TUBB6: variants seen among roughly 807,000 people sequenced by gnomAD.
The protein encoded by TUBB6 is tubulin beta 6 class V.
Under a neutral mutation model 32.3 loss-of-function variants are expected in TUBB6, and 18 were observed. That is an observed-to-expected ratio of 0.56 (90% confidence interval 0.39 to 0.83). TUBB6 has a LOEUF of 0.83. Ranked by LOEUF, TUBB6 falls within the 40% of genes least tolerant of loss-of-function variation. The pLI, the probability that TUBB6 is intolerant of heterozygous loss-of-function variation, is 0.00. For synonymous variants in TUBB6, 280 were observed against 265.8 expected (o/e 1.05, Z -0.52); for missense variants, 480 against 632.0 (o/e 0.76, Z 2.58).
chr18:12,329,117 C>G (rs1325423281), downstream of TUBB6: 1 of 702,774 alleles, frequency 1.4e-6, no homozygotes, highest in East Asian at 2.7e-5. Flanking sequence ...TTAAAATGTT[C>G]TTATCAAGAC....
At chr18:12,320,573 A>G (rs918508700) in intron 3 of TUBB6, 2 of 152,176 alleles carry the variant, frequency 1.3e-5, no homozygotes, top group South Asian at 4.1e-4. Flanking sequence ...CACACATACA[A>G]TGGAGCCAGC....
chr18:12,328,610 T>C (rs1469184638), downstream of TUBB6, among the ~76,000 whole-genome samples: 1 of 152,178 alleles, frequency 6.6e-6, no homozygotes, highest in African/African-American at 2.4e-5. Context: ...ACGGCTCAGG[T>C]CAGCCTGCCA....
At chr18:12,324,851 A>ACAT (rs1907186044) in intron 3 of TUBB6, 1 of 1,384,874 alleles carries the variant, frequency 7.2e-7, no homozygotes. Flanking sequence ...AAATGTATAT[A>ACAT]CATCTTTAAA....
chr18:12,329,282 G>T (rs939147580), downstream of TUBB6: 1 of 698,044 alleles, frequency 1.4e-6, no homozygotes, highest in Non-Finnish European at 2.6e-6. Context: ...GGTGCCACAG[G>T]GTCCAGCCTC....
chr18:12,325,693 G>A lies in TUBB6; in HGVS notation c.904G>A (p.Ala302Thr). Residue 302 changes from alanine to threonine, a missense_variant, in exon 4 of 4, where the codon GCC becomes ACC. Ala to Thr is a moderately conservative substitution (Grantham distance 58, BLOSUM62 0). Coordinates refer to ENST00000317702, the MANE Select transcript of TUBB6 (RefSeq NM_032525.3). ...QMFDARNMMA[A>T]CDPRHGRYLT... ...GTTCGACGCCAGGAACATGATGGCC[G>A]CCTGCGATCCGCGCCATGGCCGCTA... 6.2e-7 allele frequency: 1 copy of A among 1,614,072 alleles called. No homozygotes were observed. Among genetic ancestry groups the A allele is most frequent in the Non-Finnish European group, 8.5e-7 (1 of 1,180,004 alleles).
intron 3 of TUBB6, among the ~76,000 whole-genome samples, chr18:12,313,109 A>G (rs987453941): frequency 2.0e-5 from 3 of 151,770 alleles, no homozygotes; most frequent in African/African-American, 7.3e-5. Context: ...TTTACAGATT[A>G]TCTACCAGAA....
chr18:12,328,639 G>A (rs1020349129), downstream of TUBB6, among the ~76,000 whole-genome samples: 7 of 152,142 alleles, frequency 4.6e-5, no homozygotes, highest in Admixed American at 3.9e-4. Flanking sequence ...ACAGTTATAC[G>A]TTAACTTCTA....
In TUBB6 at chr18:12,325,345, A is replaced by T. The variant is rs1907228783; in HGVS notation, c.556A>T (p.Thr186Ser). Residue 186 changes from threonine to serine, a missense_variant, in exon 4 of 4, where the codon ACA (threonine) becomes TCA (serine). Transcript: ENST00000317702. ...SDTVVEPYNA[T>S]LSVHQLVENT... ...CACGGTGGTGGAGCCCTACAATGCC[A>T]CACTGTCGGTGCACCAGCTGGTGGA... 6.2e-7 allele frequency: 1 copy of T among 1,614,162 alleles called. No homozygotes were observed. Among genetic ancestry groups the T allele is most frequent in the Non-Finnish European group, 8.5e-7 (1 of 1,180,004 alleles).
rs1568116881 is a variant in TUBB6, at chr18:12,308,282, C to CCG, written c.-7_-6dup. On this transcript the variant is annotated 5_prime_UTR_variant, in exon 1 of 4. Coordinates refer to ENST00000317702, the MANE Select transcript of TUBB6 (RefSeq NM_032525.3). ...CGCAGAGCCAGTTCCTAGCGCAGAGCCGCGCCCGCCATGAGGGAGATCGTG... is the reference window on the plus strand; with the variant it reads ...CGCAGAGCCAGTTCCTAGCGCAGAGCCGCGCGCCCGCCATGAGGGAGATCGTG... The CCG allele has an allele frequency of 6.9e-7, 1 of 1,442,668 alleles. No homozygotes were observed. The highest frequency in any genetic ancestry group is 9.2e-7 in the Non-Finnish European group (1 of 1,092,736). 89.4% of individuals were successfully genotyped at this position (1,442,668 alleles called of 1,614,324 possible). A position where few individuals can be genotyped will look rare whatever the true frequency, so the allele number is the denominator to read the frequency against.
intron 2 of TUBB6, among the ~76,000 whole-genome samples, chr18:12,309,869 G>A (rs1906263852): frequency 6.6e-6 from 1 of 152,232 alleles, no homozygotes. Context: ...GAAACAGCCA[G>A]TGGCGTGCTC....
intron 3 of TUBB6, among the ~76,000 whole-genome samples, chr18:12,319,617 TCA>T (rs1906872924): frequency 6.6e-6 from 1 of 152,184 alleles, no homozygotes; most frequent in African/African-American, 2.4e-5. Context: ...GTATATGTCA[TCA>T]TTTAGTAATT....
At chr18:12,329,301 T>C (rs1907435822), downstream of TUBB6, 1 of 689,170 alleles carries the variant, frequency 1.5e-6, no homozygotes. Flanking sequence ...TCGGCCACTC[T>C]GGGCTCAACC....
downstream of TUBB6, among the ~76,000 whole-genome samples, chr18:12,327,436 T>C (rs1907375577): frequency 6.6e-6 from 1 of 152,280 alleles, no homozygotes; most frequent in African/African-American, 2.4e-5. Flanking sequence ...TGACTAGCTG[T>C]ATTTATTTTG....
At position 12,311,073 on chromosome 18, in the gene TUBB6, C is replaced by A; in HGVS notation, c.277+20C>A. 6.4e-7 allele frequency: 1 copy of A among 1,551,382 alleles called. No homozygotes were observed. Among genetic ancestry groups the A allele is most frequent in the Non-Finnish European group, 8.9e-7 (1 of 1,129,612 alleles). ...TCTTTGGTAGGTTCCATCTTTCTCA[C>A]TTTCTTCTTCTTCTTTTATTTTTTT... On this transcript the variant is annotated intron_variant, in intron 3 of 3. Transcript: ENST00000317702.
intron 3 of TUBB6, among the ~76,000 whole-genome samples, chr18:12,316,577 TTTGAG>T (rs1166094702): frequency 7.9e-5 from 12 of 152,340 alleles, no homozygotes; most frequent in African/African-American, 2.6e-4. Context: ...TTGACACCAT[TTTGAG>T]TTAAGAATTG....
At chr18:12,329,014 A>G, downstream of TUBB6, 1 of 620,092 alleles carries the variant, frequency 1.6e-6, no homozygotes, top group Non-Finnish European at 2.9e-6. Context: ...TAATACATTC[A>G]TATTTTTAAG....
chr18:12,323,622 A>G (rs1377052738), intron 3 of TUBB6, among the ~76,000 whole-genome samples: 1 of 152,106 alleles, frequency 6.6e-6, no homozygotes, highest in Non-Finnish European at 1.5e-5. Flanking sequence ...CCTGGCTAAC[A>G]TGGTGAAACC....
At chr18:12,311,109 T>G in intron 3 of TUBB6, 56 bp downstream of exon 3, 1 of 1,394,594 alleles carries the variant, frequency 7.2e-7, no homozygotes, top group South Asian at 1.2e-5. Flanking sequence ...AAATCAAATA[T>G]TTTATATGCC....
chr18:12,319,333 T>C (rs12959653), intron 3 of TUBB6, among the ~76,000 whole-genome samples: 119,771 of 151,640 alleles, frequency 0.79, 48,536 homozygotes, highest in Non-Finnish European at 0.88. Context: ...TTAGTAGAGA[T>C]GGGGTTTCCC....
Sources: allele counts gnomAD v4.1 joint callset (sites outside exome capture counted in the v4.1 genomes callset), GRCh38; gene constraint gnomAD v4.1.1; transcripts MANE v1.5; gene names NCBI Gene and HGNC (gene_info 2026-07-23, HGNC 2026-07-21).